The following LCORL variants were observed in gnomAD, a reference collection of about 807,000 sequenced individuals.
LCORL encodes ligand-dependent nuclear receptor corepressor-like protein.
In LCORL, 41 loss-of-function variants were observed where a neutral mutation model predicts 141.8. The observed-to-expected ratio is 0.29, with a 90% confidence interval of 0.23 to 0.38. The LOEUF (loss-of-function observed/expected upper bound fraction) is 0.38, where lower values mean the gene tolerates loss of function less well. LCORL is among the 10% of genes least tolerant of loss of function. The pLI, the probability that LCORL is intolerant of heterozygous loss-of-function variation, is 1.00. For synonymous variants in LCORL, 618 were observed against 694.1 expected (o/e 0.89, Z 1.72); for missense variants, 1,759 against 2,035.0 (o/e 0.86, Z 2.61).
intron 2 of LCORL, 65 bp from the exon 3 acceptor site, chr4:17,963,114 C>A: frequency 3.6e-6 from 3 of 826,946 alleles, no homozygotes; most frequent in Non-Finnish European, 5.8e-6. Flanking sequence ...AATTACCACT[C>A]TCCACAGCAA....
chr4:17,845,558 TA>T (rs3214284), exon 8 of LCORL: 322,914 of 454,028 alleles, frequency 0.71, 116,440 homozygotes, highest in South Asian at 0.84. Context: ...GTAAAACATG[TA>T]AAAAAAACAT....
At chr4:17,941,182 C>A (rs1469347569) in intron 4 of LCORL, among the ~76,000 whole-genome samples, 1 of 152,092 alleles carries the variant, frequency 6.6e-6, no homozygotes, top group Non-Finnish European at 1.5e-5. Flanking sequence ...CAAGACTATC[C>A]CGGCTAACAC....
intron 4 of LCORL, chr4:17,911,594 G>T (rs988383778): frequency 3.7e-5 from 14 of 379,284 alleles, no homozygotes; most frequent in African/African-American, 6.5e-5. Context: ...ATGGCCTAAA[G>T]AAATCAGCAG....
At chr4:17,926,499 G>A (rs559414668) in intron 4 of LCORL, among the ~76,000 whole-genome samples, 2 of 152,208 alleles carry the variant, frequency 1.3e-5, no homozygotes, top group Non-Finnish European at 2.9e-5. Flanking sequence ...TGGTTTGACA[G>A]GGGCTCTCAG....
At chr4:17,855,225 T>C (rs1470456831) in intron 7 of LCORL, among the ~76,000 whole-genome samples, 1 of 152,108 alleles carries the variant, frequency 6.6e-6, no homozygotes, top group African/African-American at 2.4e-5. Flanking sequence ...CCCTTGGCCA[T>C]GTAAGAACAA....
Position 17,860,555 on chromosome 4 carries a change from C to T in LCORL, c.5602+12833G>A, listed in dbSNP as rs192631529. 4.0e-3 allele frequency among the ~76,000 whole-genome samples: 609 copies of T among 152,252 alleles called. 3 individuals carry two copies. Among genetic ancestry groups the T allele is most frequent in the Admixed American group, 0.012 (190 of 15,300 alleles). ...GATTTGAATGGGGACACAGCTAAAC[C>T]ATATCATTTTGCTCCTGGTCCCTCC... On this transcript the variant is annotated intron_variant, in intron 7 of 7. Transcript: ENST00000635767.
chr4:17,964,270 A>T (rs1162913905), intron 2 of LCORL, among the ~76,000 whole-genome samples: 4 of 152,092 alleles, frequency 2.6e-5, no homozygotes, highest in Non-Finnish European at 4.4e-5. Flanking sequence ...GTGGGGTGGA[A>T]TCTCAATTAC....
chr4:17,938,712 C>T (rs1031487850), intron 4 of LCORL, among the ~76,000 whole-genome samples: 1 of 151,958 alleles, frequency 6.6e-6, no homozygotes, highest in Non-Finnish European at 1.5e-5. Flanking sequence ...CGCGCCCGGC[C>T]CTGTAACTGT....
chr4:17,871,262 AAAAT>A (rs1208596064), intron 7 of LCORL, among the ~76,000 whole-genome samples: 2 of 151,976 alleles, frequency 1.3e-5, no homozygotes, highest in East Asian at 3.9e-4. Flanking sequence ...AGAATGTTAA[AAAAT>A]AAAGAAGGAA....
chr4:18,010,698 T>A (rs994648854), intron 1 of LCORL, among the ~76,000 whole-genome samples: 3 of 152,148 alleles, frequency 2.0e-5, no homozygotes, highest in Non-Finnish European at 2.9e-5. Flanking sequence ...ATGATCTGCC[T>A]GTCTCAGCTT....
chr4:18,018,965 A>C (rs1477544304), intron 1 of LCORL, among the ~76,000 whole-genome samples: 1 of 152,240 alleles, frequency 6.6e-6, no homozygotes, highest in Admixed American at 6.5e-5. Context: ...TTTATAAAGT[A>C]ATGAATGTAA....
chr4:17,989,391 T>C (rs898220395), intron 1 of LCORL, among the ~76,000 whole-genome samples: 4 of 152,232 alleles, frequency 2.6e-5, no homozygotes, highest in African/African-American at 9.6e-5. Flanking sequence ...AGTAAAAGAA[T>C]TTGTTAATTG....
intron 4 of LCORL, among the ~76,000 whole-genome samples, chr4:17,932,214 C>T (rs1197795008): frequency 2.6e-5 from 4 of 152,092 alleles, no homozygotes; most frequent in African/African-American, 7.2e-5. Flanking sequence ...GCTTCATGAA[C>T]CATTCTGGAC....
intron 4 of LCORL, among the ~76,000 whole-genome samples, chr4:17,944,687 ATTC>A (rs1738556649): frequency 6.6e-6 from 1 of 152,164 alleles, no homozygotes; most frequent in Non-Finnish European, 1.5e-5. Flanking sequence ...TTATTGGAGA[ATTC>A]TTATTTTATG....
At chr4:17,942,625 C>T (rs555558729) in intron 4 of LCORL, among the ~76,000 whole-genome samples, 1 of 152,202 alleles carries the variant, frequency 6.6e-6, no homozygotes, top group African/African-American at 2.4e-5. Flanking sequence ...TTATAAGTTA[C>T]TAAAAATCAA....
intron 5 of LCORL, among the ~76,000 whole-genome samples, chr4:17,900,043 T>C (rs1730636129): frequency 6.6e-6 from 1 of 152,140 alleles, no homozygotes; most frequent in Non-Finnish European, 1.5e-5. Context: ...ATATAACAAA[T>C]TTTTGTAAAA....
intron 1 of LCORL, among the ~76,000 whole-genome samples, chr4:17,973,467 A>G (rs1462535894): frequency 1.3e-5 from 2 of 151,948 alleles, no homozygotes; most frequent in African/African-American, 4.8e-5. Flanking sequence ...ACCCTAGTTT[A>G]TGCATTTCCC....
intron 5 of LCORL, among the ~76,000 whole-genome samples, chr4:17,892,547 G>A (rs1326418529): frequency 6.6e-6 from 1 of 152,034 alleles, no homozygotes; most frequent in Non-Finnish European, 1.5e-5. Context: ...TTTTCTTCCC[G>A]ATGTGTTTTG....
At chr4:17,950,127 A>G (rs912775080) in intron 4 of LCORL, among the ~76,000 whole-genome samples, 1 of 152,164 alleles carries the variant, frequency 6.6e-6, no homozygotes, top group Non-Finnish European at 1.5e-5. Flanking sequence ...AACCTTTTTT[A>G]GTATACCACT....
Sources: allele counts gnomAD v4.1 joint callset (sites outside exome capture counted in the v4.1 genomes callset), GRCh38; gene constraint gnomAD v4.1.1; transcripts MANE v1.5; gene names NCBI Gene and HGNC (gene_info 2026-07-23, HGNC 2026-07-21).